TPM1: variants seen among roughly 807,000 people sequenced by gnomAD.
TPM1 encodes tropomyosin alpha-1 chain.
In TPM1, 24 loss-of-function variants were observed where a neutral mutation model predicts 42.9. The observed-to-expected ratio is 0.56, with a 90% CI of 0.41 to 0.79. The LOEUF is 0.79. Ranked by LOEUF, TPM1 falls within the 30% of genes least tolerant of loss-of-function variation. TPM1 has a pLI of 0.00. For missense variants in TPM1, 158 were observed against 351.8 expected (o/e 0.45, Z 4.41); for synonymous variants, 136 against 130.1 (o/e 1.05, Z -0.31).
chr15:63,071,716 C>A, exon 9 of TPM1: 1 of 169,640 alleles, frequency 5.9e-6, no homozygotes. Flanking sequence ...ACTTCCATTC[C>A]TTTCTGATTG....
downstream of TPM1, chr15:63,069,756 G>T (rs769758628): frequency 3.4e-5 from 45 of 1,334,624 alleles, no homozygotes; most frequent in Middle Eastern, 2.1e-4. Flanking sequence ...CAAGTGACCA[G>T]TTGCTGTCCT....
chr15:63,049,162 G>C, intron 2 of TPM1: 1 of 202,268 alleles, frequency 4.9e-6, no homozygotes, highest in East Asian at 1.9e-4. Flanking sequence ...GTGGACTTGG[G>C]GCCCGGGGAT....
At chr15:63,070,748 T>C (rs2036562566), downstream of TPM1, 2 of 1,141,934 alleles carry the variant, frequency 1.8e-6, no homozygotes, top group Admixed American at 4.6e-5. Flanking sequence ...TCAGTTTGTA[T>C]AACAGTGCTG....
Position 63,061,778 on chromosome 15 carries a change from A to C in TPM1, c.629A>C (p.Gln210Pro), listed in dbSNP as rs777139450. 6.2e-7 allele frequency: 1 copy of C among 1,614,152 alleles called. No individual in the cohort carries two copies. The highest frequency in any genetic ancestry group is 8.5e-7 in the Non-Finnish European group (1 of 1,179,980). ...VTNNLKSLEA[Q>P]AEKYSQKEDR... ...AACAACTTGAAGTCACTGGAGGCTCAGGCTGAGAAGGTAGGCCAGGAGGAT... is the reference window on the plus strand; with the variant it reads ...AACAACTTGAAGTCACTGGAGGCTCCGGCTGAGAAGGTAGGCCAGGAGGAT... Residue 210 changes from glutamine (Q) to proline (P), a missense_variant, in exon 6 of 10, where the codon CAG becomes CCG. Gln to Pro is a moderately conservative substitution (Grantham distance 76). Around this residue, in one of 4 missense-constraint regions of TPM1, gnomAD observed 64 missense variants for 95.8 expected, o/e 0.67. Transcript: ENST00000403994.
intron 2 of TPM1, chr15:63,046,885 C>A (rs994311538): frequency 9.2e-5 from 14 of 152,286 alleles, no homozygotes; most frequent in African/African-American, 2.9e-4. Context: ...TTAAAAAATA[C>A]CCAAGTGATT....
chr15:63,062,000 G>C, intron 6 of TPM1: 1 of 666,746 alleles, frequency 1.5e-6, no homozygotes, highest in Admixed American at 2.5e-5. Context: ...TTTAAACCAA[G>C]TGCCAAGTGG....
rs2031533514 is a variant in TPM1 at position 63,043,134 on chromosome 15, G to C, written c.114+191G>C. The C allele has an allele frequency of 6.7e-6, 4 of 600,614 alleles. 1 individual carries two copies. In the South Asian group the frequency reaches 7.8e-5, roughly 12 times the overall value. The allele number at this position is 600,614 out of a possible 1,614,324, so 37.2% of individuals were successfully genotyped here. On this transcript the variant is annotated intron_variant, in intron 1 of 9. Coordinates refer to ENST00000403994, the MANE Select transcript of TPM1 (RefSeq NM_001018005.2). Reference sequence around the variant, plus strand: ...AGCCAGGCTTAGTCTAACTTAGTCTGGTCTGAGGACGCTTATTTCCCTTCT... The same window carrying C: ...AGCCAGGCTTAGTCTAACTTAGTCTCGTCTGAGGACGCTTATTTCCCTTCT...
At chr15:63,071,012 T>C (rs2036580329), downstream of TPM1, 3 of 1,605,030 alleles carry the variant, frequency 1.9e-6, no homozygotes, top group Admixed American at 5.0e-5. Context: ...TGATTGATGT[T>C]TGCCTGCCTA....
At chr15:63,043,011 G>A (rs1596297959) in intron 1 of TPM1, 68 bp downstream of exon 1, 4 of 1,423,084 alleles carry the variant, frequency 2.8e-6, no homozygotes, top group East Asian at 5.0e-5. Context: ...CCCCCGGCTG[G>A]ATCCCCACCC....
At chr15:63,043,602 C>A in intron 1 of TPM1, 1 of 1,509,964 alleles carries the variant, frequency 6.6e-7, no homozygotes, top group South Asian at 1.2e-5. Flanking sequence ...AACTCGGCGG[C>A]GCCCCGAGCC....
chr15:63,057,045 C>T lies in TPM1; in HGVS notation c.301C>T (p.Arg101Cys), dbSNP rs769069020. ...CCAGCTGGTTGAGGAAGAGTTGGAT[C>T]GTGCCCAGGAGCGTCTGGCAACAGC... is the stretch of plus-strand genomic sequence containing the variant. ...RIQLVEEELD[R>C]AQERLATALQ... Residue 101 changes from arginine to cysteine, a missense_variant, in exon 3 of 10, where the codon CGT becomes TGT. By Grantham distance (180) the Arg-to-Cys change is radical (BLOSUM62 -3). This residue lies in a region of TPM1 where 65 missense variants were observed against 208.8 expected (regional missense o/e 0.31). Transcript: ENST00000403994. 4 of 1,614,180 alleles carry T rather than the reference C, an allele frequency of 2.5e-6. No individual in the cohort carries two copies. The highest frequency in any genetic ancestry group is 3.4e-6 in the Non-Finnish European group (4 of 1,180,036).
At chr15:63,061,220 C>A in intron 5 of TPM1, 1 of 1,614,190 alleles carries the variant, frequency 6.2e-7, no homozygotes, top group Non-Finnish European at 8.5e-7. Flanking sequence ...GCTGGAAGAA[C>A]AATTAAGAAT....
At chr15:63,044,181 A>G in intron 2 of TPM1, 29 bp downstream of exon 2, 1 of 1,613,894 alleles carries the variant, frequency 6.2e-7, no homozygotes, top group Non-Finnish European at 8.5e-7. Flanking sequence ...TGCTTCCCTC[A>G]CCTCTTGCCT....
chr15:63,054,682 C>CT (rs1380508386), intron 2 of TPM1: 2 of 152,140 alleles, frequency 1.3e-5, no homozygotes, highest in African/African-American at 2.4e-5. Context: ...TGGCATTTCT[C>CT]TAATAGGCCA....
At chr15:63,053,264 T>C (rs533185845) in intron 2 of TPM1, among the ~76,000 whole-genome samples, 2 of 152,198 alleles carry the variant, frequency 1.3e-5, no homozygotes, top group African/African-American at 4.8e-5. Context: ...CTCCCAGTCC[T>C]GGTTAGGATC....
chr15:63,063,066 T>C (rs1208922066), intron 8 of TPM1: 2 of 981,908 alleles, frequency 2.0e-6, no homozygotes, highest in African/African-American at 3.5e-5. Context: ...AAAGTAAGGA[T>C]TTAGGGGTTA....
intron 4 of TPM1, among the ~76,000 whole-genome samples, chr15:63,060,586 CCTT>C (rs1267442960): frequency 6.6e-6 from 1 of 152,172 alleles, no homozygotes; most frequent in Non-Finnish European, 1.5e-5. Context: ...TTTTATCCCT[CCTT>C]CCACATTTTG....
At chr15:63,057,683 C>A (rs1488270990) in intron 3 of TPM1, among the ~76,000 whole-genome samples, 1 of 152,206 alleles carries the variant, frequency 6.6e-6, no homozygotes, top group East Asian at 1.9e-4. Context: ...TGTTCTGAGC[C>A]CACCTCCACT....
At chr15:63,064,938 G>T in intron 9 of TPM1, 1 of 957,412 alleles carries the variant, frequency 1.0e-6, no homozygotes, top group Non-Finnish European at 1.2e-6. Flanking sequence ...CCGCACTCCA[G>T]CCTGGACGAC....
Sources: gnomAD v4.1 joint callset for allele counts (sites outside exome capture counted in the v4.1 genomes callset) on GRCh38, gnomAD v4.1.1 for gene constraint, gnomAD v4.1.1 regional missense constraint, MANE v1.5 for transcripts, NCBI Gene and HGNC (gene_info 2026-07-23, HGNC 2026-07-21) for gene names.